The following PDZD4 variants were observed in gnomAD, a reference collection of about 807,000 sequenced individuals.
The protein encoded by PDZD4 is PDZ domain containing 4.
A neutral mutation model predicts 38.5 loss-of-function variants in PDZD4; 9 were observed. That is an observed-to-expected ratio of 0.23 (90% CI 0.14 to 0.41). The LOEUF (loss-of-function observed/expected upper bound fraction) is 0.41, where lower values mean the gene tolerates loss of function less well. Ranked by LOEUF, PDZD4 falls within the 10% of genes least tolerant of loss-of-function variation. The pLI is 1.00. For synonymous variants in PDZD4, 349 were observed against 315.7 expected, an observed-to-expected ratio of 1.11 and a Z score of -1.12; for missense variants, 612 against 722.0, an observed-to-expected ratio of 0.85 and a Z score of 1.75.
intron 1 of PDZD4, among the ~76,000 whole-genome samples, chrX:153,812,360 G>A (rs2064317729): frequency 9.2e-6 from 1 of 108,337 alleles, no homozygotes; most frequent in Non-Finnish European, 1.9e-5. Context: ...AGCAGGCAGT[G>A]GGATGCTCAG....
At chrX:153,815,640 A>AGGTCGGGGAGGGGACCTGGC (rs2064353328) in intron 1 of PDZD4, among the ~76,000 whole-genome samples, 1 of 112,075 alleles carries the variant, frequency 8.9e-6, no homozygotes, top group African/African-American at 3.2e-5. Flanking sequence ...TGTGGGCTCC[A>AGGTCGGGGAGGGGACCTGGC]GGTCGGGGAG....
At chrX:153,814,591 A>G (rs971020523) in intron 1 of PDZD4, among the ~76,000 whole-genome samples, 4 of 108,620 alleles carry the variant, frequency 3.7e-5, no homozygotes, top group Non-Finnish European at 5.7e-5. Context: ...GGGATTGTTG[A>G]CTGAGCTCAT....
chrX:153,803,757 C>T lies in PDZD4; in HGVS notation c.1924G>A (p.Val642Met). ...CGATCTCGCACGGGCCGCTTGGCCA[C>T]GTAGCGGGTTCCGTCGCTGCGCACC... ...VKVRSDGTRYVAKRPVRDRLL... is the reference protein window; with the variant it reads ...VKVRSDGTRYMAKRPVRDRLL... The change falls in exon 8 of 8, where the codon GTG (valine) becomes ATG (methionine). Residue 642 changes from valine (V) to methionine (M), a missense_variant. By Grantham distance (21) the Val-to-Met change is conservative. Around this residue, in one of 3 missense-constraint regions of PDZD4, gnomAD observed 300 missense variants for 284.6 expected, o/e 1.05. Transcript: ENST00000393758. 1.7e-6 allele frequency: 2 copies of T among 1,209,009 alleles called. No individual in the cohort carries two copies. Among genetic ancestry groups the T allele is most frequent in the Non-Finnish European group, 1.1e-6 (1 of 895,473 alleles).
At position 153,803,769 on chromosome X, in the gene PDZD4, C is replaced by T. The variant is rs1167855315; in HGVS notation, c.1912G>A (p.Gly638Arg). 1 of 1,207,202 alleles carries T rather than the reference C, an allele frequency of 8.3e-7. No homozygotes were observed. Among genetic ancestry groups the T allele is most frequent in the East Asian group, 3.0e-5 (1 of 33,750 alleles). The change falls in exon 8 of 8, where the codon GGA becomes AGA. Residue 638 changes from glycine (G) to arginine (R), a missense_variant. This residue lies in a region of PDZD4 where 300 missense variants were observed against 284.6 expected (regional missense o/e 1.05). Coordinates refer to ENST00000393758, the MANE Select transcript of PDZD4 (RefSeq NM_001303512.2). ...GGCCGCTTGGCCACGTAGCGGGTTC[C>T]GTCGCTGCGCACCTTCACTTTCCAC... is the stretch of plus-strand genomic sequence containing the variant. Reference protein sequence around the residue: ...MEWKVKVRSDGTRYVAKRPVR... With the variant: ...MEWKVKVRSDRTRYVAKRPVR...
Position 153,819,555 on chromosome X carries a change from G to C in PDZD4, c.60+10684C>G, listed in dbSNP as rs150781661. On this transcript the variant is annotated intron_variant, in intron 1 of 7. Coordinates refer to ENST00000393758, the MANE Select transcript of PDZD4 (RefSeq NM_001303512.2). Reference sequence around the variant, plus strand: ...GGACTCCCCTTACCCCACTGCTGTAGAGTAGGAAACAAGCTGGGGAAGGAC... The same window carrying C: ...GGACTCCCCTTACCCCACTGCTGTACAGTAGGAAACAAGCTGGGGAAGGAC... 7.1e-5 allele frequency among the ~76,000 whole-genome samples: 8 copies of C among 112,220 alleles called. No individual in the cohort carries two copies. The East Asian group carries it at 2.0e-3, about 28-fold the overall frequency.
intron 1 of PDZD4, among the ~76,000 whole-genome samples, chrX:153,808,891 G>A (rs188291772): frequency 0.013 from 1,421 of 112,816 alleles, 26 homozygotes; most frequent in African/African-American, 0.042. Flanking sequence ...GCCCTACAAC[G>A]TCCTCCAGAC....
At chrX:153,808,225 C>A in intron 2 of PDZD4, 117 bp downstream of exon 2, 1 of 1,074,177 alleles carries the variant, frequency 9.3e-7, no homozygotes, top group South Asian at 2.4e-5. Context: ...GTACCACGGT[C>A]AGTTCTGGAG....
intron 1 of PDZD4, among the ~76,000 whole-genome samples, chrX:153,814,480 A>ACCG (rs1557079401): frequency 2.6e-4 from 14 of 53,858 alleles, no homozygotes; most frequent in African/African-American, 1.0e-3. Context: ...TCCACCCCCC[A>ACCG]CCCCCCCCCC....
At chrX:153,819,042 A>G (rs973494037) in intron 1 of PDZD4, among the ~76,000 whole-genome samples, 129 of 112,529 alleles carry the variant, frequency 1.1e-3, no homozygotes, top group African/African-American at 4.0e-3. Context: ...CCCTAGGCGG[A>G]GAGGGCGGAG....
intron 1 of PDZD4, among the ~76,000 whole-genome samples, chrX:153,816,800 G>A (rs2064367749): frequency 9.0e-6 from 1 of 111,526 alleles, no homozygotes; most frequent in African/African-American, 3.3e-5. Flanking sequence ...CAGACTGTAA[G>A]GGCCAGACCA....
intron 1 of PDZD4, among the ~76,000 whole-genome samples, chrX:153,811,792 A>G (rs1557078802): frequency 9.0e-6 from 1 of 111,624 alleles, no homozygotes; most frequent in African/African-American, 3.3e-5. Context: ...CTTGGTGGAG[A>G]GGCTACAGTT....
At position 153,808,593 on chromosome X, in the gene PDZD4, C is replaced by T; in HGVS notation, c.63G>A (p.Val21=). ...PEEQYKVMLQ[V]NGKELSKLSQ... ...ACAGCTTGGAGAGCTCCTTCCCGTT[C>T]ACCTGCGGCAGAGACACGCCTCCGT... is the stretch of plus-strand genomic sequence containing the variant. Residue 21 remains valine (V), a splice_region_variant and synonymous_variant, in exon 2 of 8, where the codon GTG becomes GTA. Transcript: ENST00000393758. 2 of 1,159,272 alleles carry T rather than the reference C, an allele frequency of 1.7e-6. No individual in the cohort carries two copies. Among genetic ancestry groups the T allele is most frequent in the South Asian group, 2.1e-5 (1 of 48,751 alleles).
At chrX:153,805,462 G>T in intron 6 of PDZD4, 43 bp downstream of exon 6, 1 of 969,536 alleles carries the variant, frequency 1.0e-6, no homozygotes, top group Non-Finnish European at 1.4e-6. Flanking sequence ...AAGACAGAAA[G>T]CCTGATGTCG....
intron 1 of PDZD4, among the ~76,000 whole-genome samples, chrX:153,822,652 CCTCTCTCT>C (rs782265290): frequency 1.0e-5 from 1 of 99,708 alleles, no homozygotes; most frequent in South Asian, 4.8e-4. Context: ...TCCCTCCCTC[CCTCTCTCT>C]CTCTCTCTTT....
At chrX:153,818,652 G>A (rs191968801) in intron 1 of PDZD4, among the ~76,000 whole-genome samples, 340 of 108,411 alleles carry the variant, frequency 3.1e-3, no homozygotes, top group Admixed American at 5.9e-3. Flanking sequence ...CGGAGCCCGG[G>A]AGGGGAGGGC....
At position 153,830,358 on chromosome X, in the gene PDZD4, G is replaced by A; in HGVS notation, c.-60C>T. 1 of 1,111,143 alleles carries A rather than the reference G, an allele frequency of 9.0e-7. No homozygotes were observed. The highest frequency in any genetic ancestry group is 1.2e-6 in the Non-Finnish European group (1 of 813,018). 91.6% of individuals were successfully genotyped at this position (1,111,143 alleles called of 1,213,427 possible). On this transcript the variant is annotated 5_prime_UTR_variant, in exon 1 of 8. Transcript: ENST00000393758. ...ACGGGAAGACGCCTTTCACTGACCCGGGCGCGGGACCTCGGGTCCCGGGCC... is the reference window on the plus strand; with the variant it reads ...ACGGGAAGACGCCTTTCACTGACCCAGGCGCGGGACCTCGGGTCCCGGGCC...
intron 1 of PDZD4, among the ~76,000 whole-genome samples, chrX:153,818,643 G>A (rs890820869): frequency 2.8e-5 from 3 of 107,983 alleles, no homozygotes; most frequent in African/African-American, 1.0e-4. Flanking sequence ...GCACTGGGTC[G>A]GAGCCCGGGA....
chrX:153,819,733 A>G (rs1350252637), intron 1 of PDZD4, among the ~76,000 whole-genome samples: 2 of 112,375 alleles, frequency 1.8e-5, no homozygotes, highest in African/African-American at 6.5e-5. Flanking sequence ...CAACGAGTAG[A>G]GCATCAGAGG....
At chrX:153,817,114 G>A (rs782269173) in intron 1 of PDZD4, among the ~76,000 whole-genome samples, 2 of 111,399 alleles carry the variant, frequency 1.8e-5, no homozygotes, top group Non-Finnish European at 1.9e-5. Flanking sequence ...TGGAGAGGAC[G>A]CGGGGACCCT....
Sources: allele counts gnomAD v4.1 joint callset (sites outside exome capture counted in the v4.1 genomes callset), GRCh38; gene constraint gnomAD v4.1.1; regional missense constraint gnomAD v4.1.1; transcripts MANE v1.5; gene names NCBI Gene and HGNC (gene_info 2026-07-23, HGNC 2026-07-21).